Variants in HIVEP3 observed in about 807,000 individuals in gnomAD.
HIVEP3 encodes the protein transcription factor HIVEP3.
HIVEP3 carries 49 observed loss-of-function variants against 152.8 expected under a neutral mutation model. The ratio of observed to expected loss-of-function variants is 0.32; its 90% CI spans 0.26 to 0.41. The LOEUF (loss-of-function observed/expected upper bound fraction) is 0.41, where lower values mean the gene tolerates loss of function less well. Among genes scored for constraint, HIVEP3 ranks in the 10% least tolerant of loss-of-function variants. HIVEP3 has a pLI of 1.00. For missense variants in HIVEP3, 2,790 were observed against 3,103.3 expected, an observed-to-expected ratio of 0.90 and a Z score of 2.40; for synonymous variants, 1,269 against 1,289.0, an observed-to-expected ratio of 0.98 and a Z score of 0.33.
At chr1:41,574,610 C>T (rs900403111) in intron 5 of HIVEP3, among the ~76,000 whole-genome samples, 14 of 152,170 alleles carry the variant, frequency 9.2e-5, no homozygotes, top group Admixed American at 5.2e-4. Flanking sequence ...GTGAGTTAGG[C>T]GCTTGCAGGT....
intron 5 of HIVEP3, among the ~76,000 whole-genome samples, chr1:41,567,127 T>C (rs1215362697): frequency 2.0e-5 from 3 of 152,074 alleles, no homozygotes; most frequent in Non-Finnish European, 4.4e-5. Flanking sequence ...ATTTTTCACT[T>C]CCCTCCTCCA....
chr1:42,023,314 T>A (rs1214658045), intron 1 of HIVEP3, among the ~76,000 whole-genome samples: 2 of 152,182 alleles, frequency 1.3e-5, no homozygotes, highest in East Asian at 1.9e-4. Flanking sequence ...GCCATCAACC[T>A]TTTTTTAAGT....
intron 1 of HIVEP3, among the ~76,000 whole-genome samples, chr1:41,969,298 G>C (rs924076081): frequency 6.6e-6 from 1 of 152,122 alleles, no homozygotes; most frequent in Non-Finnish European, 1.5e-5. Flanking sequence ...CATGCTACCT[G>C]AGTTCAAACT....
intron 1 of HIVEP3, among the ~76,000 whole-genome samples, chr1:41,866,008 G>A (rs932546273): frequency 5.9e-5 from 9 of 152,166 alleles, no homozygotes; most frequent in African/African-American, 9.7e-5. Context: ...TTCTCTCCCC[G>A]CTGCTGTGAT....
intron 1 of HIVEP3, among the ~76,000 whole-genome samples, chr1:41,744,358 T>C (rs1174907800): frequency 2.0e-5 from 3 of 152,202 alleles, no homozygotes; most frequent in Non-Finnish European, 2.9e-5. Context: ...TTTTAAAATT[T>C]ATGTCACTGA....
rs920817727 is a variant in HIVEP3 at position 41,509,172 on chromosome 1, C to G, written c.*1279G>C. The G allele has an allele frequency of 6.6e-6, 1 of 152,146 alleles. No homozygotes were observed. The highest frequency in any genetic ancestry group is 2.4e-5 in the African/African-American group (1 of 41,418). 9.4% of individuals were successfully genotyped at this position (152,146 alleles called of 1,614,324 possible). A position where few individuals can be genotyped will look rare whatever the true frequency, so the allele number is the denominator to read the frequency against. On this transcript the variant is annotated 3_prime_UTR_variant, in exon 9 of 9. Transcript: ENST00000372583. ...AGGACAATTCAAAAATCCTCTAGGT[C>G]AAAAGAATCTGTGGTGGCTGGGTGA...
chr1:41,892,377 C>A (rs1323947154), intron 1 of HIVEP3, among the ~76,000 whole-genome samples: 1 of 152,144 alleles, frequency 6.6e-6, no homozygotes, highest in Non-Finnish European at 1.5e-5. Flanking sequence ...GCTTTGAGAG[C>A]GGAACTAGCA....
At chr1:42,027,245 A>G (rs1645587321) in intron 1 of HIVEP3, among the ~76,000 whole-genome samples, 1 of 152,216 alleles carries the variant, frequency 6.6e-6, no homozygotes, top group African/African-American at 2.4e-5. Context: ...GCTACCTTCA[A>G]AATATATTCA....
chr1:41,534,939 G>T (rs889647905), intron 5 of HIVEP3, among the ~76,000 whole-genome samples: 1 of 152,192 alleles, frequency 6.6e-6, no homozygotes, highest in African/African-American at 2.4e-5. Flanking sequence ...CTCGCCAGGT[G>T]ACCTTGGGCA....
At chr1:41,870,367 G>A (rs1318771600) in intron 1 of HIVEP3, among the ~76,000 whole-genome samples, 1 of 152,066 alleles carries the variant, frequency 6.6e-6, no homozygotes, top group Non-Finnish European at 1.5e-5. Flanking sequence ...TCTTTTCAAC[G>A]TTGCAATTAA....
chr1:41,577,499 T>C (rs1334611732), intron 4 of HIVEP3, among the ~76,000 whole-genome samples: 1 of 152,054 alleles, frequency 6.6e-6, no homozygotes, highest in African/African-American at 2.4e-5. Context: ...TCAAAATGAT[T>C]CCCAAGGAGG....
At chr1:41,950,002 A>C (rs1645097082) in intron 1 of HIVEP3, among the ~76,000 whole-genome samples, 1 of 152,160 alleles carries the variant, frequency 6.6e-6, no homozygotes, top group Admixed American at 6.5e-5. Flanking sequence ...AGACAGGACT[A>C]CCTGGATTTC....
chr1:41,600,873 C>T (rs1283105748), intron 3 of HIVEP3, among the ~76,000 whole-genome samples: 2 of 152,080 alleles, frequency 1.3e-5, no homozygotes, highest in Admixed American at 6.5e-5. Flanking sequence ...GGTTTTACAT[C>T]CAAGTCTTTA....
chr1:41,828,450 T>C (rs914805043), intron 1 of HIVEP3, among the ~76,000 whole-genome samples: 4 of 152,262 alleles, frequency 2.6e-5, no homozygotes, highest in Non-Finnish European at 5.9e-5. Context: ...CTTTGCCTTT[T>C]GACTGTTTCC....
chr1:41,889,035 C>T (rs1644403178), intron 1 of HIVEP3, among the ~76,000 whole-genome samples: 1 of 133,866 alleles, frequency 7.5e-6, no homozygotes. Flanking sequence ...TCACACGCTA[C>T]ACACACACAC....
At chr1:41,734,105 C>G (rs2124191759) in intron 1 of HIVEP3, among the ~76,000 whole-genome samples, 1 of 152,246 alleles carries the variant, frequency 6.6e-6, no homozygotes, top group Middle Eastern at 3.4e-3. Flanking sequence ...CCCCTCCTGG[C>G]CTCTCCAGTC....
chr1:41,910,464 T>C (rs189013677), intron 1 of HIVEP3, among the ~76,000 whole-genome samples: 9 of 152,100 alleles, frequency 5.9e-5, no homozygotes, highest in East Asian at 5.8e-4. Context: ...GAATCTTTTT[T>C]TGAGAACAGA....
chr1:41,578,893 G>A (rs1644361103), intron 4 of HIVEP3, among the ~76,000 whole-genome samples: 1 of 152,210 alleles, frequency 6.6e-6, no homozygotes, highest in Non-Finnish European at 1.5e-5. Context: ...AGGCTGCTCA[G>A]TAAACAAGAC....
intron 1 of HIVEP3, among the ~76,000 whole-genome samples, chr1:41,875,436 T>C (rs1471471410): frequency 6.6e-6 from 1 of 152,248 alleles, no homozygotes; most frequent in African/African-American, 2.4e-5. Flanking sequence ...CTGGCCCCTC[T>C]TCATCTGCTG....
Sources: gnomAD v4.1 joint callset for allele counts (sites outside exome capture counted in the v4.1 genomes callset) on GRCh38, gnomAD v4.1.1 for gene constraint, MANE v1.5 for transcripts, NCBI Gene and HGNC (gene_info 2026-07-23, HGNC 2026-07-21) for gene names.